ZFYVE27: variants seen among roughly 807,000 people sequenced by gnomAD.
ZFYVE27 encodes zinc finger FYVE-type containing 27, also known as protrudin.
A neutral mutation model predicts 52.8 loss-of-function variants in ZFYVE27; 36 were observed. The ratio of observed to expected loss-of-function variants is 0.68; its 90% CI spans 0.52 to 0.90. The LOEUF is 0.90. Ranked by LOEUF, ZFYVE27 falls within the 40% of genes least tolerant of loss-of-function variation. The pLI is 0.00. For synonymous variants in ZFYVE27, 223 were observed against 215.6 expected (o/e 1.03, Z -0.30); for missense variants, 450 against 527.2 (o/e 0.85, Z 1.43).
At position 97,750,463 on chromosome 10, in the gene ZFYVE27, C is replaced by T. The variant is rs886047525; in HGVS notation, c.797C>T (p.Pro266Leu). The T allele has an allele frequency of 2.0e-5, 32 of 1,614,092 alleles. No individual in the cohort carries two copies. The highest frequency in any genetic ancestry group is 2.5e-5 in the Non-Finnish European group (30 of 1,180,044). ...ATGGACAGCACGCCTGCCCTCACAC[C>T]CACGGAGGTAAGTGCCACTGTCAGG... Reference protein sequence around the residue: ...GLMDSTPALTPTEDLTPGSVE... With the variant: ...GLMDSTPALTLTEDLTPGSVE... The change falls in exon 7 of 13, where the codon CCC (proline) becomes CTC (leucine). Residue 266 changes from proline to leucine, a missense_variant. By Grantham distance (98) the Pro-to-Leu change is moderately conservative. Transcript: ENST00000684270.
chr10:97,752,407 T>A (rs547409661), intron 8 of ZFYVE27, among the ~76,000 whole-genome samples: 1 of 152,306 alleles, frequency 6.6e-6, no homozygotes, highest in East Asian at 1.9e-4. Flanking sequence ...GATATATGAT[T>A]GTAGACCGTG....
chr10:97,746,049 ATATT>A (rs1317963899), intron 4 of ZFYVE27, among the ~76,000 whole-genome samples: 450 of 35,222 alleles, frequency 0.013, 2 homozygotes, highest in African/African-American at 0.028. Flanking sequence ...ATATATATAT[ATATT>A]TTTTTTTTTT....
intron 2 of ZFYVE27, among the ~76,000 whole-genome samples, chr10:97,739,590 T>C (rs891641273): frequency 3.3e-5 from 5 of 152,218 alleles, no homozygotes; most frequent in Non-Finnish European, 7.3e-5. Flanking sequence ...CCTAACAAAA[T>C]TAATAACTCC....
rs1303631283 is a variant in ZFYVE27 at position 97,753,143 on chromosome 10, A to C, written c.1003A>C (p.Thr335Pro). ...GCTGCGCAGCAAGGTGTCTCGGCTC[A>C]CGGAGCGGCTCCGCAAGCGCTACCC... is the stretch of plus-strand genomic sequence containing the variant. ...EVLRSKVSRL[T>P]ERLRKRYPTN... is the part of the protein sequence containing the mutation. Residue 335 changes from threonine (T) to proline (P), a missense_variant, in exon 10 of 13, where the codon ACG becomes CCG. Physicochemically the swap from Thr to Pro is conservative, Grantham distance 38 (BLOSUM62 -1). Transcript: ENST00000684270. 1.2e-6 allele frequency: 2 copies of C among 1,611,956 alleles called. No individual in the cohort carries two copies. Among genetic ancestry groups the C allele is most frequent in the Non-Finnish European group, 1.7e-6 (2 of 1,179,514 alleles).
rs1358780128 is a variant in ZFYVE27 at position 97,750,529 on chromosome 10, A to G, written c.804+59A>G. On this transcript the variant is annotated intron_variant, in intron 7 of 12. Coordinates refer to ENST00000684270, the MANE Select transcript of ZFYVE27 (RefSeq NM_001385875.1). ...GCCGCTTGTGGGCCCCCCTGTTATCAGCTTGTTTTTGGCTCCTGGGCTGGC... is the reference window on the plus strand; with the variant it reads ...GCCGCTTGTGGGCCCCCCTGTTATCGGCTTGTTTTTGGCTCCTGGGCTGGC... 3 of 1,605,750 alleles carry G rather than the reference A, an allele frequency of 1.9e-6. No homozygotes were observed. The African/African-American group carries it at 4.0e-5, about 21-fold the overall frequency.
At chr10:97,740,065 G>A (rs10786370) in intron 2 of ZFYVE27, among the ~76,000 whole-genome samples, 105,891 of 151,964 alleles carry the variant, frequency 0.7, 37,412 homozygotes, top group Middle Eastern at 0.78. Flanking sequence ...GCACATGTGT[G>A]TATTTCTAGG....
intron 2 of ZFYVE27, among the ~76,000 whole-genome samples, chr10:97,740,079 A>G (rs1007529696): frequency 6.6e-6 from 1 of 152,170 alleles, no homozygotes; most frequent in East Asian, 1.9e-4. Context: ...TTCTAGGGAA[A>G]AGCTTCTGGT....
rs1005923039 is a variant in ZFYVE27, at chr10:97,748,462, C to T, written c.551+98C>T. 1.2e-5 allele frequency: 15 copies of T among 1,252,112 alleles called. No individual in the cohort carries two copies. The African/African-American group carries it at 1.9e-4, about 16-fold the overall frequency. 77.6% of individuals were successfully genotyped at this position (1,252,112 alleles called of 1,614,324 possible). On this transcript the variant is annotated intron_variant, in intron 5 of 12. Transcript: ENST00000684270. Reference sequence around the variant, plus strand: ...TTGAGAGGACCTCTGCCCCTCTTACCTCAGGGGAAGAGCTCGCCTCCTGGG... The same window carrying T: ...TTGAGAGGACCTCTGCCCCTCTTACTTCAGGGGAAGAGCTCGCCTCCTGGG...
intron 10 of ZFYVE27, chr10:97,754,697 A>T: frequency 1.6e-6 from 2 of 1,289,340 alleles, no homozygotes; most frequent in Non-Finnish European, 2.0e-6. Flanking sequence ...ATACTTGCAC[A>T]TGTGTGATCT....
rs2048597527 is a variant in ZFYVE27, at chr10:97,757,252, C to T, written c.1043-13C>T. 6.2e-7 allele frequency: 1 copy of T among 1,614,162 alleles called. No homozygotes were observed. Among genetic ancestry groups the T allele is most frequent in the Non-Finnish European group, 8.5e-7 (1 of 1,180,016 alleles). Reference sequence around the variant, plus strand: ...GGATGGGCGGGGGTTGAGCTGCTGCCTCTGTTTCTCAGGGAACTGCACGGG... The same window carrying T: ...GGATGGGCGGGGGTTGAGCTGCTGCTTCTGTTTCTCAGGGAACTGCACGGG... On this transcript the variant is annotated splice_polypyrimidine_tract_variant and intron_variant, in intron 10 of 12. Transcript: ENST00000684270.
At chr10:97,748,652 A>G (rs2046106800) in intron 5 of ZFYVE27, among the ~76,000 whole-genome samples, 1 of 152,162 alleles carries the variant, frequency 6.6e-6, no homozygotes, top group South Asian at 2.1e-4. Context: ...AATTTGTCAC[A>G]TGCATCTACT....
intron 10 of ZFYVE27, 76 bp from the exon 11 acceptor site, chr10:97,757,189 T>A (rs1377932891): frequency 8.7e-6 from 14 of 1,605,766 alleles, no homozygotes; most frequent in Non-Finnish European, 1.2e-5. Flanking sequence ...GAGTGTCCCA[T>A]TTAGAAGCGC....
rs759151979 is a variant in ZFYVE27, at chr10:97,751,409, G to A, written c.823G>A (p.Val275Met). ...TPTEDLTPGSVEEAEEAEPDE... is the reference protein window; with the variant it reads ...TPTEDLTPGSMEEAEEAEPDE... Reference sequence around the variant, plus strand: ...TTCCCAGGACCTCACACCGGGCAGCGTGGAGGAGGCTGAGGAGGCTGAGCC... The same window carrying A: ...TTCCCAGGACCTCACACCGGGCAGCATGGAGGAGGCTGAGGAGGCTGAGCC... Residue 275 changes from valine to methionine, a missense_variant, in exon 8 of 13, where the codon GTG becomes ATG. Physicochemically the swap from Val to Met is conservative, Grantham distance 21. Coordinates refer to ENST00000684270, the MANE Select transcript of ZFYVE27 (RefSeq NM_001385875.1). 2.5e-6 allele frequency: 4 copies of A among 1,613,974 alleles called. No individual in the cohort carries two copies. The highest frequency in any genetic ancestry group is 2.2e-5 in the South Asian group (2 of 91,084).
rs748892716 is a variant in ZFYVE27 at position 97,759,327 on chromosome 10, A to G, written c.*27A>G. On this transcript the variant is annotated 3_prime_UTR_variant, in exon 13 of 13. Coordinates refer to ENST00000684270, the MANE Select transcript of ZFYVE27 (RefSeq NM_001385875.1). ...AAGAGAGGCCAGGGTCCAACCAGGC[A>G]CCCGTCCTTGGGACCAGCAGTAGAC... 1 of 1,613,692 alleles carries G rather than the reference A, an allele frequency of 6.2e-7. No individual in the cohort carries two copies. The highest frequency in any genetic ancestry group is 8.5e-7 in the Non-Finnish European group (1 of 1,179,732).
intron 10 of ZFYVE27, among the ~76,000 whole-genome samples, chr10:97,755,868 C>T (rs774661322): frequency 9.2e-5 from 14 of 152,086 alleles, no homozygotes; most frequent in Non-Finnish European, 1.9e-4. Context: ...GGCATCGTCA[C>T]GTGGTGAGTG....
chr10:97,740,889 C>T (rs2043448480), intron 2 of ZFYVE27, among the ~76,000 whole-genome samples: 1 of 152,180 alleles, frequency 6.6e-6, no homozygotes, highest in Admixed American at 6.5e-5. Context: ...TACTCTACTG[C>T]TTGGGTCTCC....
At chr10:97,754,945 C>G in intron 10 of ZFYVE27, 1 of 548,642 alleles carries the variant, frequency 1.8e-6, no homozygotes, top group Non-Finnish European at 2.3e-6. Flanking sequence ...AATGGTGGAG[C>G]TGTGACTCAA....
chr10:97,759,102 T>C, intron 12 of ZFYVE27, 134 bp from the exon 13 acceptor site: 1 of 921,522 alleles, frequency 1.1e-6, no homozygotes, highest in East Asian at 2.6e-5. Context: ...GCGGGCAGGC[T>C]AGCAAGCTGG....
rs17852788 is a variant in ZFYVE27 at position 97,757,707 on chromosome 10, C to A, written c.1155C>A (p.Ser385=). Residue 385 remains serine, a synonymous_variant, in exon 12 of 13, where the codon TCC becomes TCA. Coordinates refer to ENST00000684270, the MANE Select transcript of ZFYVE27 (RefSeq NM_001385875.1). ...SRCCSFKVPK[S]SMGATAPEAQ... is the part of the protein sequence containing the mutation. ...GCTGCTCCTTCAAGGTGCCCAAGTC[C>A]TCCATGGGGGCCACAGGTGAGTGGT... 4 of 1,614,202 alleles carry A rather than the reference C, an allele frequency of 2.5e-6. No homozygotes were observed. Among genetic ancestry groups the A allele is most frequent in the Non-Finnish European group, 3.4e-6 (4 of 1,180,026 alleles).
Sources: gnomAD v4.1 joint callset for allele counts (sites outside exome capture counted in the v4.1 genomes callset) on GRCh38, gnomAD v4.1.1 for gene constraint, MANE v1.5 for transcripts, NCBI Gene and HGNC (gene_info 2026-07-23, HGNC 2026-07-21) for gene names.